The following CABCOCO1 variants were observed in gnomAD, a reference collection of about 807,000 sequenced individuals.
CABCOCO1 encodes the protein ciliary associated calcium binding coiled-coil 1.
Under a neutral mutation model 35.7 loss-of-function variants are expected in CABCOCO1, and 28 were observed. The ratio of observed to expected loss-of-function variants is 0.78; its 90% CI spans 0.58 to 1.07. CABCOCO1 has a LOEUF of 1.07. Ranked by LOEUF, CABCOCO1 falls within the 50% of genes least tolerant of loss-of-function variation. The probability of loss-of-function intolerance (pLI) is 0.00; values close to 1 mark genes in which losing one functional copy is unlikely to be tolerated. For missense variants in CABCOCO1, 326 were observed against 309.2 expected, an observed-to-expected ratio of 1.05 and a Z score of -0.41; for synonymous variants, 95 against 100.1, an observed-to-expected ratio of 0.95 and a Z score of 0.30.
intron 1 of CABCOCO1, among the ~76,000 whole-genome samples, chr10:61,663,347 G>A (rs188930863): frequency 6.6e-6 from 1 of 151,704 alleles, no homozygotes; most frequent in East Asian, 1.9e-4. Flanking sequence ...CGCTTCTACC[G>A]CAGGTTTTGT....
chr10:61,695,800 A>C lies in CABCOCO1; in HGVS notation c.552+5179A>C, dbSNP rs555419464. On this transcript the variant is annotated intron_variant, in intron 5 of 7. Transcript: ENST00000648843. ...AAAACCCTTTCTGTGATAAAATAAG[A>C]AAAAGGCAAAGAAGGCAACAGAAAC... 1.5e-4 allele frequency among the ~76,000 whole-genome samples: 23 copies of C among 152,216 alleles called. No homozygotes were observed. The South Asian group carries it at 3.7e-3, about 25-fold the overall frequency.
chr10:61,676,837 G>C (rs1331888104), intron 2 of CABCOCO1, among the ~76,000 whole-genome samples: 1 of 151,956 alleles, frequency 6.6e-6, no homozygotes, highest in African/African-American at 2.4e-5. Flanking sequence ...TGAGGCAGGC[G>C]GATCATGAGG....
intron 4 of CABCOCO1, among the ~76,000 whole-genome samples, chr10:61,686,480 A>T (rs1448741816): frequency 6.6e-6 from 1 of 152,062 alleles, no homozygotes; most frequent in Non-Finnish European, 1.5e-5. Context: ...TAAGAATTTC[A>T]TTTTTCTTTG....
chr10:61,699,910 T>C (rs1840405280), intron 5 of CABCOCO1, among the ~76,000 whole-genome samples: 1 of 152,158 alleles, frequency 6.6e-6, no homozygotes, highest in Admixed American at 6.6e-5. Context: ...CACCTAGTGT[T>C]CAATAATTGT....
intron 5 of CABCOCO1, among the ~76,000 whole-genome samples, chr10:61,736,099 T>A (rs551980304): frequency 6.6e-6 from 1 of 152,304 alleles, no homozygotes; most frequent in Non-Finnish European, 1.5e-5. Context: ...TTTTCTCACA[T>A]TCTGTAGATT....
intron 5 of CABCOCO1, among the ~76,000 whole-genome samples, chr10:61,745,029 G>A (rs2132072777): frequency 6.6e-6 from 1 of 152,254 alleles, no homozygotes; most frequent in East Asian, 1.9e-4. Context: ...TATACAGTCA[G>A]TAATGTTTGT....
intron 1 of CABCOCO1, among the ~76,000 whole-genome samples, chr10:61,665,026 A>G (rs1456933181): frequency 4.6e-5 from 7 of 152,212 alleles, no homozygotes; most frequent in African/African-American, 1.7e-4. Context: ...CATGTAGTCA[A>G]CTGAGCCAAG....
intron 5 of CABCOCO1, among the ~76,000 whole-genome samples, chr10:61,718,434 A>C (rs1477932418): frequency 1.3e-5 from 2 of 152,214 alleles, no homozygotes; most frequent in Non-Finnish European, 2.9e-5. Flanking sequence ...TAAAATAGTT[A>C]TGAATTGTTT....
intron 5 of CABCOCO1, among the ~76,000 whole-genome samples, chr10:61,702,535 C>A (rs1194414206): frequency 6.6e-6 from 1 of 152,086 alleles, no homozygotes; most frequent in Non-Finnish European, 1.5e-5. Context: ...TTGGTGAATG[C>A]AGACTTACAT....
chr10:61,749,092 ATAGTC>A (rs1269755622), intron 5 of CABCOCO1, among the ~76,000 whole-genome samples: 4 of 152,194 alleles, frequency 2.6e-5, no homozygotes, highest in Non-Finnish European at 5.9e-5. Flanking sequence ...AGCCACCAAA[ATAGTC>A]TATAGTCAAT....
intron 5 of CABCOCO1, among the ~76,000 whole-genome samples, chr10:61,716,524 C>T (rs1234944076): frequency 6.6e-6 from 1 of 152,138 alleles, no homozygotes; most frequent in African/African-American, 2.4e-5. Flanking sequence ...CCAGCTCTAT[C>T]ACCAAAGTTC....
intron 5 of CABCOCO1, among the ~76,000 whole-genome samples, chr10:61,754,032 C>T (rs562004689): frequency 6.6e-6 from 1 of 152,196 alleles, no homozygotes; most frequent in Non-Finnish European, 1.5e-5. Context: ...AAAGATGATC[C>T]TTTCAATAAT....
chr10:61,692,050 A>G (rs555668988), intron 5 of CABCOCO1, among the ~76,000 whole-genome samples: 46 of 152,248 alleles, frequency 3.0e-4, no homozygotes, highest in Non-Finnish European at 6.2e-4. Context: ...CTGGTTCTAG[A>G]TCCTTGAGGA....
chr10:61,756,014 A>G (rs1841890132), intron 5 of CABCOCO1, among the ~76,000 whole-genome samples: 1 of 152,012 alleles, frequency 6.6e-6, no homozygotes, highest in African/African-American at 2.4e-5. Context: ...TTCATCTTGA[A>G]TATGCAAATT....
At chr10:61,688,983 C>T (rs761939178) in intron 4 of CABCOCO1, among the ~76,000 whole-genome samples, 3 of 152,166 alleles carry the variant, frequency 2.0e-5, no homozygotes, top group East Asian at 1.9e-4. Flanking sequence ...TCATGCATTT[C>T]GTTTTCAGTG....
intron 5 of CABCOCO1, among the ~76,000 whole-genome samples, chr10:61,742,300 C>T (rs1841566853): frequency 6.6e-6 from 1 of 152,036 alleles, no homozygotes; most frequent in African/African-American, 2.4e-5. Context: ...CTTTATAGTG[C>T]CACCCACATT....
intron 2 of CABCOCO1, among the ~76,000 whole-genome samples, chr10:61,680,523 T>TTATATGTTATATTATGTTATATATAACA (rs1564532365): frequency 2.9e-5 from 4 of 136,582 alleles, no homozygotes; most frequent in African/African-American, 8.2e-5. Context: ...ATATAACATA[T>TTATATGTTATATTATGTTATATATAACA]TATATGTTAT....
chr10:61,676,867 C>G (rs1406996805), intron 2 of CABCOCO1, among the ~76,000 whole-genome samples: 1 of 151,818 alleles, frequency 6.6e-6, no homozygotes, highest in Non-Finnish European at 1.5e-5. Flanking sequence ...CGAGACCATC[C>G]TGGCTAACAC....
chr10:61,746,353 AT>A (rs1564554429), intron 5 of CABCOCO1, among the ~76,000 whole-genome samples: 1 of 152,100 alleles, frequency 6.6e-6, no homozygotes, highest in East Asian at 1.9e-4. Flanking sequence ...TGATTTTTAC[AT>A]TTCTTAGAGA....
Sources: gnomAD v4.1 joint callset for allele counts (sites outside exome capture counted in the v4.1 genomes callset) on GRCh38, gnomAD v4.1.1 for gene constraint, MANE v1.5 for transcripts, NCBI Gene and HGNC (gene_info 2026-07-23, HGNC 2026-07-21) for gene names.